Variants in IQGAP2 observed in about 807,000 individuals in gnomAD.
The protein encoded by IQGAP2 is IQ motif containing GTPase activating protein 2.
Under a neutral mutation model 201.3 loss-of-function variants are expected in IQGAP2, and 173 were observed. The ratio of observed to expected loss-of-function variants is 0.86; its 90% CI spans 0.76 to 0.98. The LOEUF (loss-of-function observed/expected upper bound fraction) is 0.98. Among genes scored for constraint, IQGAP2 ranks in the 50% least tolerant of loss-of-function variants. The pLI is 0.00. For synonymous variants in IQGAP2, 675 were observed against 673.9 expected (o/e 1.00, Z -0.03); for missense variants, 1,687 against 1,864.8 (o/e 0.90, Z 1.76).
chr5:76,538,339 A>T (rs1759745043), intron 2 of IQGAP2, among the ~76,000 whole-genome samples: 1 of 137,162 alleles, frequency 7.3e-6, no homozygotes, highest in African/African-American at 2.9e-5. Context: ...TTGGGTGGGG[A>T]CACAGCCAAT....
At chr5:76,567,973 A>C (rs1448983553) in intron 3 of IQGAP2, among the ~76,000 whole-genome samples, 1 of 152,232 alleles carries the variant, frequency 6.6e-6, no homozygotes, top group Non-Finnish European at 1.5e-5. Context: ...GACTGTAGAC[A>C]TGTCACCTCA....
intron 13 of IQGAP2, chr5:76,618,347 GA>G (rs1161839492): frequency 7.4e-6 from 12 of 1,614,092 alleles, no homozygotes; most frequent in Non-Finnish European, 8.5e-6. Flanking sequence ...TGGTCCTGAA[GA>G]AAAGCATCCA....
chr5:76,619,514 CTTTT>C (rs773323091), intron 13 of IQGAP2, among the ~76,000 whole-genome samples: 5 of 104,264 alleles, frequency 4.8e-5, no homozygotes, highest in Non-Finnish European at 9.5e-5. Context: ...TAAGGATCTT[CTTTT>C]TTTTTTTTTT....
chr5:76,567,433 C>T (rs1217518593), intron 3 of IQGAP2, among the ~76,000 whole-genome samples: 1 of 152,180 alleles, frequency 6.6e-6, no homozygotes, highest in African/African-American at 2.4e-5. Flanking sequence ...TTTCAGATAA[C>T]AGATCCTCAA....
At chr5:76,581,683 C>T (rs1326875058) in intron 5 of IQGAP2, among the ~76,000 whole-genome samples, 1 of 152,158 alleles carries the variant, frequency 6.6e-6, no homozygotes, top group Non-Finnish European at 1.5e-5. Context: ...GTATATTTAA[C>T]TCTTCAGGAG....
chr5:76,427,632 C>T lies in IQGAP2; in HGVS notation c.46+24041C>T, dbSNP rs533471763. Among the ~76,000 whole-genome samples, 5 of 152,240 alleles carry T rather than the reference C, an allele frequency of 3.3e-5. No homozygotes were observed. The South Asian group carries it at 6.2e-4, about 19-fold the overall frequency. On this transcript the variant is annotated intron_variant, in intron 1 of 35. Transcript: ENST00000274364. ...ACAGTGCTTCCCACACTTGAATGCG[C>T]GTGTGTCATGTGAGGATTTGGTGAA...
chr5:76,657,790 A>C (rs1188549940), intron 20 of IQGAP2, among the ~76,000 whole-genome samples: 1 of 152,186 alleles, frequency 6.6e-6, no homozygotes, highest in Non-Finnish European at 1.5e-5. Flanking sequence ...TTATGTGAGA[A>C]TGTCCCTCTC....
intron 2 of IQGAP2, 135 bp downstream of exon 2, chr5:76,461,804 A>T: frequency 3.1e-6 from 2 of 647,232 alleles, no homozygotes; most frequent in Non-Finnish European, 5.5e-6. Context: ...GGAGATGGCC[A>T]GGGAGAGATT....
chr5:76,449,828 A>G (rs1753619094), intron 1 of IQGAP2, among the ~76,000 whole-genome samples: 1 of 152,200 alleles, frequency 6.6e-6, no homozygotes, highest in African/African-American at 2.4e-5. Context: ...GCATGAGGGA[A>G]TTTACATACA....
chr5:76,411,392 C>T (rs1157534569), intron 1 of IQGAP2, among the ~76,000 whole-genome samples: 4 of 152,106 alleles, frequency 2.6e-5, no homozygotes. Flanking sequence ...TTTAAGTTTG[C>T]TTTTCTTTCT....
intron 17 of IQGAP2, among the ~76,000 whole-genome samples, chr5:76,644,164 T>C: frequency 6.6e-6 from 1 of 152,102 alleles, no homozygotes; most frequent in Non-Finnish European, 1.5e-5. Flanking sequence ...GACAGACTTC[T>C]TTTATACAGA....
At chr5:76,407,116 A>G (rs1193069697) in intron 1 of IQGAP2, among the ~76,000 whole-genome samples, 1 of 152,082 alleles carries the variant, frequency 6.6e-6, no homozygotes, top group East Asian at 1.9e-4. Context: ...AGTAGCTGGT[A>G]CTACAGGCAC....
intron 13 of IQGAP2, chr5:76,624,423 A>C (rs538499902): frequency 6.6e-6 from 1 of 152,356 alleles, no homozygotes; most frequent in African/African-American, 2.4e-5. Context: ...GCTAGGAAGA[A>C]ATTGATCTGC....
chr5:76,441,871 T>TTACA, intron 1 of IQGAP2, among the ~76,000 whole-genome samples: 1 of 152,182 alleles, frequency 6.6e-6, no homozygotes. Context: ...ATGGCACATG[T>TTACA]GGAATGAAGT....
chr5:76,407,898 A>G (rs886817639), intron 1 of IQGAP2, among the ~76,000 whole-genome samples: 2 of 152,216 alleles, frequency 1.3e-5, no homozygotes, highest in Non-Finnish European at 2.9e-5. Flanking sequence ...TGGGAAGCCA[A>G]GGCGGGTGGA....
intron 5 of IQGAP2, among the ~76,000 whole-genome samples, chr5:76,583,113 G>A (rs1235585734): frequency 3.3e-5 from 5 of 152,150 alleles, no homozygotes; most frequent in Admixed American, 2.6e-4. Flanking sequence ...GGTACCAAAC[G>A]GTGCTTAATA....
chr5:76,422,128 T>C (rs1371508871), intron 1 of IQGAP2, among the ~76,000 whole-genome samples: 1 of 152,162 alleles, frequency 6.6e-6, no homozygotes, highest in Non-Finnish European at 1.5e-5. Flanking sequence ...TTACAGGAGG[T>C]GGCATCTATT....
At chr5:76,446,824 A>T (rs188674987) in intron 1 of IQGAP2, among the ~76,000 whole-genome samples, 50 of 152,360 alleles carry the variant, frequency 3.3e-4, no homozygotes, top group Non-Finnish European at 5.9e-4. Flanking sequence ...TATCCAGCAT[A>T]AAAGTAGCCC....
chr5:76,448,971 C>T (rs919186115), intron 1 of IQGAP2, among the ~76,000 whole-genome samples: 23 of 152,150 alleles, frequency 1.5e-4, no homozygotes, highest in African/African-American at 5.3e-4. Flanking sequence ...TGATTTTGAG[C>T]TGTCACCTGA....
Sources: allele counts gnomAD v4.1 joint callset (sites outside exome capture counted in the v4.1 genomes callset), GRCh38; gene constraint gnomAD v4.1.1; transcripts MANE v1.5; gene names NCBI Gene and HGNC (gene_info 2026-07-23, HGNC 2026-07-21).